The following MACROD2 variants were observed in gnomAD, a reference collection of about 807,000 sequenced individuals.
MACROD2 encodes ADP-ribose glycohydrolase MACROD2.
Under a neutral mutation model 70.4 loss-of-function variants are expected in MACROD2, and 36 were observed. That is an observed-to-expected ratio of 0.51 (90% CI 0.39 to 0.68). The LOEUF (loss-of-function observed/expected upper bound fraction) is 0.68. Among genes scored for constraint, MACROD2 ranks in the 30% least tolerant of loss-of-function variants. MACROD2 has a pLI of 0.00. For synonymous variants in MACROD2, 172 were observed against 178.8 expected, an observed-to-expected ratio of 0.96 and a Z score of 0.30; for missense variants, 496 against 538.4, an observed-to-expected ratio of 0.92 and a Z score of 0.78.
intron 15 of MACROD2, among the ~76,000 whole-genome samples, chr20:16,036,309 T>A (rs971013383): frequency 6.6e-6 from 1 of 151,664 alleles, no homozygotes; most frequent in African/African-American, 2.4e-5. Context: ...CTCACGTTTA[T>A]ATATTTAAAA....
intron 7 of MACROD2, among the ~76,000 whole-genome samples, chr20:15,461,842 A>G (rs1226124371): frequency 6.6e-6 from 1 of 152,286 alleles, no homozygotes; most frequent in East Asian, 1.9e-4. Flanking sequence ...CCGAATTGCT[A>G]TACATTTTGT....
chr20:14,053,516 A>C (rs776392387), intron 2 of MACROD2: 1 of 152,140 alleles, frequency 6.6e-6, no homozygotes, highest in Admixed American at 6.5e-5. Context: ...TTTTGCTTCC[A>C]TTTCATCCAA....
chr20:14,247,911 TA>T (rs896879766), intron 3 of MACROD2, among the ~76,000 whole-genome samples: 3 of 152,012 alleles, frequency 2.0e-5, no homozygotes, highest in East Asian at 1.9e-4. Context: ...TTTTCTTACC[TA>T]AAAAAAATGC....
intron 6 of MACROD2, among the ~76,000 whole-genome samples, chr20:15,310,760 C>T (rs545131424): frequency 8.6e-5 from 13 of 152,018 alleles, no homozygotes; most frequent in African/African-American, 9.7e-5. Flanking sequence ...TCCAGTCAAG[C>T]AGAGAAGGGG....
chr20:15,806,087 G>A (rs1265511181), intron 8 of MACROD2, among the ~76,000 whole-genome samples: 3 of 152,176 alleles, frequency 2.0e-5, no homozygotes, highest in Admixed American at 2.0e-4. Flanking sequence ...TGAGTTTATG[G>A]ATTTTTCTTC....
At chr20:15,756,420 A>C (rs1390037208) in intron 8 of MACROD2, among the ~76,000 whole-genome samples, 2 of 152,186 alleles carry the variant, frequency 1.3e-5, no homozygotes, top group African/African-American at 2.4e-5. Context: ...AGAAAAAAAA[A>C]AATTTACAAG....
At chr20:15,366,271 C>T (rs1286238050) in intron 6 of MACROD2, among the ~76,000 whole-genome samples, 1 of 152,066 alleles carries the variant, frequency 6.6e-6, no homozygotes, top group Non-Finnish European at 1.5e-5. Flanking sequence ...TAATTTTTCC[C>T]CCCACTAGTA....
chr20:14,352,609 T>C (rs569111574), intron 3 of MACROD2, among the ~76,000 whole-genome samples: 1 of 152,262 alleles, frequency 6.6e-6, no homozygotes, highest in African/African-American at 2.4e-5. Context: ...TTCAGTAACA[T>C]TGAGTAGTGT....
chr20:14,036,093 G>C (rs1191252604), intron 2 of MACROD2, among the ~76,000 whole-genome samples: 1 of 151,544 alleles, frequency 6.6e-6, no homozygotes, highest in Non-Finnish European at 1.5e-5. Context: ...AGTGAGCCTA[G>C]ATGGCGCCAC....
intron 8 of MACROD2, among the ~76,000 whole-genome samples, chr20:15,630,363 A>T (rs1284827186): frequency 6.6e-6 from 1 of 152,230 alleles, no homozygotes; most frequent in Non-Finnish European, 1.5e-5. Flanking sequence ...AATGTTGTGC[A>T]TCTGAACTTG....
intron 4 of MACROD2, among the ~76,000 whole-genome samples, chr20:14,555,255 C>A (rs1421134999): frequency 2.6e-5 from 4 of 152,004 alleles, no homozygotes; most frequent in Non-Finnish European, 5.9e-5. Flanking sequence ...TATGTACCCC[C>A]AAAAACTTAA....
intron 5 of MACROD2, among the ~76,000 whole-genome samples, chr20:15,175,435 AAAAAT>A (rs1191243146): frequency 6.6e-6 from 1 of 151,988 alleles, no homozygotes; most frequent in Non-Finnish European, 1.5e-5. Flanking sequence ...TAATAATAAT[AAAAAT>A]AAAATTTAAA....
chr20:14,159,428 T>A (rs1204511920), intron 3 of MACROD2, among the ~76,000 whole-genome samples: 1 of 151,974 alleles, frequency 6.6e-6, no homozygotes, highest in African/African-American at 2.4e-5. Context: ...TAGTTTTTCT[T>A]ACAGAGATCT....
At chr20:14,417,505 C>T (rs1209153143) in intron 3 of MACROD2, among the ~76,000 whole-genome samples, 1 of 152,144 alleles carries the variant, frequency 6.6e-6, no homozygotes, top group East Asian at 1.9e-4. Flanking sequence ...CCAGTCTTTC[C>T]TAATATTATT....
intron 5 of MACROD2, among the ~76,000 whole-genome samples, chr20:14,843,341 T>A (rs1318216404): frequency 1.3e-5 from 2 of 151,412 alleles, no homozygotes; most frequent in African/African-American, 4.8e-5. Context: ...ATATATTTTA[T>A]TATATATATA....
intron 5 of MACROD2, among the ~76,000 whole-genome samples, chr20:15,110,918 A>G (rs2075949295): frequency 6.6e-6 from 1 of 152,262 alleles, no homozygotes; most frequent in Middle Eastern, 3.4e-3. Flanking sequence ...ACCACCATTT[A>G]TTGATTACTT....
chr20:15,305,287 C>T (rs2077686844), intron 6 of MACROD2, among the ~76,000 whole-genome samples: 1 of 151,850 alleles, frequency 6.6e-6, no homozygotes, highest in Non-Finnish European at 1.5e-5. Context: ...AAACAGCGCA[C>T]CTATTGAACA....
intron 3 of MACROD2, among the ~76,000 whole-genome samples, chr20:14,134,322 A>G (rs914120877): frequency 6.6e-6 from 1 of 152,182 alleles, no homozygotes; most frequent in Non-Finnish European, 1.5e-5. Context: ...GCACTCTGAA[A>G]ACTGACTTTA....
rs562214441 is a variant in MACROD2 at position 15,890,739 on chromosome 20, G to T, written c.775+4928G>T. On this transcript the variant is annotated intron_variant, in intron 10 of 17. Coordinates refer to ENST00000684519, the MANE Select transcript of MACROD2 (RefSeq NM_001351661.2). ...TAATAGCACATCTATCAAATGTGGG[G>T]TTTTTTTTTGTTCTGTTCCTTTTTT... Among the ~76,000 whole-genome samples the T allele has an allele frequency of 3.0e-4, 45 of 151,368 alleles. 1 individual carries two copies. The highest frequency in any genetic ancestry group is 3.4e-3 in the Middle Eastern group (1 of 294).
Sources: allele counts gnomAD v4.1 joint callset (sites outside exome capture counted in the v4.1 genomes callset), GRCh38; gene constraint gnomAD v4.1.1; transcripts MANE v1.5; gene names NCBI Gene and HGNC (gene_info 2026-07-23, HGNC 2026-07-21).